ADGRB3: variants seen among roughly 807,000 people sequenced by gnomAD.
The protein encoded by ADGRB3 is brain-specific angiogenesis inhibitor 3.
In ADGRB3, 37 loss-of-function variants were observed where a neutral mutation model predicts 193.4. That is an observed-to-expected ratio of 0.19 (90% CI 0.15 to 0.25). The LOEUF is 0.25. Among genes scored for constraint, ADGRB3 ranks in the 10% least tolerant of loss-of-function variants. The pLI, the probability that ADGRB3 is intolerant of heterozygous loss-of-function variation, is 1.00. For missense variants in ADGRB3, 1,637 were observed against 1,852.9 expected, an observed-to-expected ratio of 0.88 and a Z score of 2.14; for synonymous variants, 690 against 644.2, an observed-to-expected ratio of 1.07 and a Z score of -1.08.
At chr6:68,816,110 A>G (rs940041896) in intron 3 of ADGRB3, among the ~76,000 whole-genome samples, 1 of 152,066 alleles carries the variant, frequency 6.6e-6, no homozygotes, top group South Asian at 2.1e-4. Flanking sequence ...AAATTAGTTG[A>G]TATTATATGA....
Position 68,826,021 on chromosome 6 carries a change from T to A in ADGRB3, c.758-104538T>A, listed in dbSNP as rs1767837467. ...TTTTTTTGTACCTGAAAATATTTCT[T>A]TTGAATAAATCATGCATTTCTTTAT... On this transcript the variant is annotated intron_variant, in intron 3 of 31. Coordinates refer to ENST00000370598, the MANE Select transcript of ADGRB3 (RefSeq NM_001704.3). Among the ~76,000 whole-genome samples the A allele has an allele frequency of 2.6e-5, 4 of 152,210 alleles. No homozygotes were observed. The South Asian group carries it at 8.3e-4, about 32-fold the overall frequency.
intron 3 of ADGRB3, among the ~76,000 whole-genome samples, chr6:68,792,828 A>C: frequency 6.6e-6 from 1 of 152,142 alleles, no homozygotes. Context: ...TACTTCAGAT[A>C]CTGGAGCAAA....
intron 22 of ADGRB3, among the ~76,000 whole-genome samples, chr6:69,329,437 A>G (rs997414247): frequency 2.0e-5 from 3 of 152,192 alleles, no homozygotes; most frequent in Non-Finnish European, 2.9e-5. Context: ...ATTACCTTAC[A>G]TACTAGGTAA....
chr6:68,837,649 G>A (rs1232797977), intron 3 of ADGRB3, among the ~76,000 whole-genome samples: 1 of 152,190 alleles, frequency 6.6e-6, no homozygotes, highest in Non-Finnish European at 1.5e-5. Flanking sequence ...CCTAGCTGAA[G>A]AAATAGATAT....
At chr6:69,159,423 A>G (rs1189276092) in intron 17 of ADGRB3, among the ~76,000 whole-genome samples, 1 of 152,096 alleles carries the variant, frequency 6.6e-6, no homozygotes, top group Non-Finnish European at 1.5e-5. Flanking sequence ...TTAATTACAG[A>G]TTGATTTTAA....
rs555428290 is a variant in ADGRB3, at chr6:68,754,502, A to G, written c.757+115070A>G. Among the ~76,000 whole-genome samples, 5 of 152,344 alleles carry G rather than the reference A, an allele frequency of 3.3e-5. No individual in the cohort carries two copies. The East Asian group carries it at 9.6e-4, about 29-fold the overall frequency. On this transcript the variant is annotated intron_variant, in intron 3 of 31. Transcript: ENST00000370598. ...TCCTCTATGCTGGTGGATTCTGAAA[A>G]CACACATTGTATATTATTTGTATTA...
chr6:68,710,154 A>C (rs186908486), intron 3 of ADGRB3, among the ~76,000 whole-genome samples: 1 of 152,330 alleles, frequency 6.6e-6, no homozygotes, highest in Admixed American at 6.5e-5. Flanking sequence ...AGAGGCTGGC[A>C]AGTGGGGAGG....
At chr6:68,865,641 G>A (rs1765276056) in intron 3 of ADGRB3, among the ~76,000 whole-genome samples, 1 of 152,056 alleles carries the variant, frequency 6.6e-6, no homozygotes. Flanking sequence ...CAGCTCTTTT[G>A]GGTGGACTAT....
intron 3 of ADGRB3, among the ~76,000 whole-genome samples, chr6:68,924,257 T>C (rs997475715): frequency 6.6e-6 from 1 of 152,058 alleles, no homozygotes; most frequent in Admixed American, 6.6e-5. Context: ...TGATGAATTC[T>C]TGCATGGAAG....
In ADGRB3 at chr6:68,638,738, A is replaced by G. The variant is rs1768009660; in HGVS notation, c.63A>G (p.Gly21=). The change falls in exon 3 of 32, where the codon GGA becomes GGG. Residue 21 remains glycine (G), a synonymous_variant. Transcript: ENST00000370598. ...IFSTYLLVMF[G]FNAAQDFWCS... ...CCACCTATCTCCTGGTTATGTTTGG[A>G]TTTAATGCTGCCCAAGACTTCTGGT... 6.2e-7 allele frequency: 1 copy of G among 1,613,972 alleles called. No homozygotes were observed. Among genetic ancestry groups the G allele is most frequent in the Non-Finnish European group, 8.5e-7 (1 of 1,180,014 alleles).
chr6:69,082,631 T>C lies in ADGRB3; in HGVS notation c.2480+6593T>C, dbSNP rs142130590. Among the ~76,000 whole-genome samples, 700 of 152,300 alleles carry C rather than the reference T, an allele frequency of 4.6e-3. 7 individuals are homozygous for C. The highest frequency in any genetic ancestry group is 0.016 in the African/African-American group (657 of 41,576). On this transcript the variant is annotated intron_variant, in intron 17 of 31. Coordinates refer to ENST00000370598, the MANE Select transcript of ADGRB3 (RefSeq NM_001704.3). ...AGTTTCCATTTAATTACTTTTGATC[T>C]GGTAAATTACTTTCTAGGTTTTTCT...
rs773707304 is a variant in ADGRB3, at chr6:68,936,561, C to T, written c.911C>T (p.Ser304Leu). 1.1e-5 allele frequency: 18 copies of T among 1,613,820 alleles called. No individual in the cohort carries two copies. Among genetic ancestry groups the T allele is most frequent in the East Asian group, 2.2e-5 (1 of 44,886 alleles). ...VEEWSQWSTC[S>L]VTCGQGSQVR... is the part of the protein sequence containing the mutation. ...GAGTGGTCCCAGTGGAGCACATGTT[C>T]GGTTACTTGTGGTCAAGGGTCGCAG... Residue 304 changes from serine to leucine, a missense_variant, in exon 5 of 32, where the codon TCG becomes TTG. Physicochemically the swap from Ser to Leu is moderately radical, Grantham distance 145. Coordinates refer to ENST00000370598, the MANE Select transcript of ADGRB3 (RefSeq NM_001704.3).
intron 3 of ADGRB3, among the ~76,000 whole-genome samples, chr6:68,783,069 A>G (rs1404977139): frequency 9.8e-6 from 1 of 101,724 alleles, no homozygotes; most frequent in African/African-American, 3.0e-5. Flanking sequence ...ATATTTATGG[A>G]GTAATAATTA....
At chr6:68,897,518 G>A (rs1766259293) in intron 3 of ADGRB3, among the ~76,000 whole-genome samples, 1 of 94,610 alleles carries the variant, frequency 1.1e-5, no homozygotes. Context: ...GGAAGGAAGG[G>A]AGGGAGGAAA....
intron 3 of ADGRB3, among the ~76,000 whole-genome samples, chr6:68,829,265 A>T (rs1582235742): frequency 6.6e-6 from 1 of 151,658 alleles, no homozygotes; most frequent in Non-Finnish European, 1.5e-5. Flanking sequence ...ATGCCCAGCT[A>T]ATTTTTTTTT....
At chr6:69,094,117 A>G (rs1772795693) in intron 17 of ADGRB3, among the ~76,000 whole-genome samples, 1 of 152,088 alleles carries the variant, frequency 6.6e-6, no homozygotes, top group South Asian at 2.1e-4. Context: ...CAGGTTAGAG[A>G]GGTGTCTACT....
chr6:69,057,756 A>AT (rs1771587839), intron 15 of ADGRB3, among the ~76,000 whole-genome samples: 2 of 152,020 alleles, frequency 1.3e-5, no homozygotes, highest in Admixed American at 1.3e-4. Context: ...ATTTGTGGAA[A>AT]CATCTTTGCA....
intron 3 of ADGRB3, among the ~76,000 whole-genome samples, chr6:68,824,372 A>G (rs1224687299): frequency 1.3e-5 from 2 of 151,208 alleles, no homozygotes; most frequent in African/African-American, 4.8e-5. Context: ...ATAAAATATT[A>G]CAGTTATCTT....
In ADGRB3 at chr6:69,269,109, T is replaced by C. The variant is rs141468859; in HGVS notation, c.2814+29883T>C. ...AAAACAATGTAATACAGTTGGTTCT[T>C]TCATCCTCCCCTTTAGAAACGCAGA... On this transcript the variant is annotated intron_variant, in intron 20 of 31. Coordinates refer to ENST00000370598, the MANE Select transcript of ADGRB3 (RefSeq NM_001704.3). Among the ~76,000 whole-genome samples, 227 of 152,310 alleles carry C rather than the reference T, an allele frequency of 1.5e-3. 2 individuals carry two copies. Among genetic ancestry groups the C allele is most frequent in the Non-Finnish European group, 2.5e-3 (173 of 68,016 alleles).
Sources: allele counts gnomAD v4.1 joint callset (sites outside exome capture counted in the v4.1 genomes callset), GRCh38; gene constraint gnomAD v4.1.1; transcripts MANE v1.5; gene names NCBI Gene and HGNC (gene_info 2026-07-23, HGNC 2026-07-21).